RGS17: variants seen among roughly 807,000 people sequenced by gnomAD.
The protein encoded by RGS17 is regulator of G protein signaling 17.
A neutral mutation model predicts 25.5 loss-of-function variants in RGS17; 12 were observed. That is an observed-to-expected ratio of 0.47 (90% CI 0.30 to 0.76). The LOEUF (loss-of-function observed/expected upper bound fraction) is 0.76, where lower values mean the gene tolerates loss of function less well. Among genes scored for constraint, RGS17 ranks in the 30% least tolerant of loss-of-function variants. The probability of loss-of-function intolerance (pLI) is 0.07; values close to 1 mark genes in which losing one functional copy is unlikely to be tolerated. For synonymous variants in RGS17, 71 were observed against 76.9 expected (o/e 0.92, Z 0.40); for missense variants, 196 against 242.2 (o/e 0.81, Z 1.27).
intron 1 of RGS17, among the ~76,000 whole-genome samples, chr6:153,112,875 G>GAAA (rs1282597600): frequency 5.3e-5 from 8 of 152,160 alleles, no homozygotes; most frequent in African/African-American, 1.7e-4. Flanking sequence ...CAAATGCTGA[G>GAAA]AGATTTTGTC....
chr6:153,069,738 TC>T (rs1041676004), intron 1 of RGS17, among the ~76,000 whole-genome samples: 1 of 64,444 alleles, frequency 1.6e-5, no homozygotes, highest in African/African-American at 5.3e-5. Flanking sequence ...TATATACACC[TC>T]GTGTGTGTGT....
chr6:153,024,541 C>T lies in RGS17; in HGVS notation c.210-45G>A, dbSNP rs376297852. On this transcript the variant is annotated intron_variant, in intron 3 of 4. Transcript: ENST00000206262. ...CCGTGATCAAAGGGAACTTTGTGAC[C>T]AGTGAATGCTAGACCAGGTAAGGAG... 7.3e-6 allele frequency: 10 copies of T among 1,376,498 alleles called. No homozygotes were observed. The African/African-American group carries it at 1.4e-4, about 20-fold the overall frequency. The allele number at this position is 1,376,498 out of a possible 1,614,324, so 85.3% of individuals were successfully genotyped here.
At position 153,009,548 on chromosome 6, in the gene RGS17, A is replaced by G. The variant is rs891670417; in HGVS notation, c.*2026T>C. ...TTCATAGCTATCTTTTTTTCAACAT[A>G]TTACTGAAAACTTATTCAAATAGTA... On this transcript the variant is annotated 3_prime_UTR_variant, in exon 5 of 5. Transcript: ENST00000206262. 1.3e-5 allele frequency: 2 copies of G among 151,972 alleles called. No homozygotes were observed. Among genetic ancestry groups the G allele is most frequent in the Admixed American group, 6.6e-5 (1 of 15,260 alleles). 9.4% of individuals were successfully genotyped at this position (151,972 alleles called of 1,614,324 possible).
rs1171679855 is a variant in RGS17 at position 153,007,103 on chromosome 6, T to A, written c.*4471A>T. The A allele has an allele frequency of 6.6e-6, 1 of 152,190 alleles. No individual in the cohort carries two copies. Among genetic ancestry groups the A allele is most frequent in the Non-Finnish European group, 1.5e-5 (1 of 68,046 alleles). 9.4% of individuals were successfully genotyped at this position (152,190 alleles called of 1,614,324 possible). A position where few individuals can be genotyped will look rare whatever the true frequency, so the allele number is the denominator to read the frequency against. On this transcript the variant is annotated 3_prime_UTR_variant, in exon 5 of 5. Coordinates refer to ENST00000206262, the MANE Select transcript of RGS17 (RefSeq NM_012419.5). ...TGAATTCATCTGAAAAGATGTTACT[T>A]GGGGCTGGAGAGGACTACACCTGTA...
rs1385920359 is a variant in RGS17, at chr6:153,011,120, A to T, written c.*454T>A. ...AAAAATTGCTTTTTTTCTGTCTTAGATTATGTTAAAAAATGCAAACCATGG... is the reference window on the plus strand; with the variant it reads ...AAAAATTGCTTTTTTTCTGTCTTAGTTTATGTTAAAAAATGCAAACCATGG... On this transcript the variant is annotated 3_prime_UTR_variant, in exon 5 of 5. Coordinates refer to ENST00000206262, the MANE Select transcript of RGS17 (RefSeq NM_012419.5). 3 of 156,672 alleles carry T rather than the reference A, an allele frequency of 1.9e-5. No individual in the cohort carries two copies. The highest frequency in any genetic ancestry group is 6.5e-5 in the Admixed American group (1 of 15,422). The allele number at this position is 156,672 out of a possible 1,614,324, so 9.7% of individuals were successfully genotyped here.
At chr6:153,058,917 C>T (rs1224788850) in intron 1 of RGS17, among the ~76,000 whole-genome samples, 2 of 150,098 alleles carry the variant, frequency 1.3e-5, no homozygotes, top group Non-Finnish European at 3.0e-5. Flanking sequence ...TTTTCAAAAT[C>T]GCCATTTTTA....
At chr6:153,042,048 G>A (rs1164374609) in intron 2 of RGS17, among the ~76,000 whole-genome samples, 1 of 152,152 alleles carries the variant, frequency 6.6e-6, no homozygotes, top group Non-Finnish European at 1.5e-5. Flanking sequence ...AGATGGGTGA[G>A]GATAAGATTT....
intron 1 of RGS17, among the ~76,000 whole-genome samples, chr6:153,077,704 T>C (rs990867616): frequency 5.3e-5 from 8 of 152,116 alleles, no homozygotes; most frequent in East Asian, 3.8e-4. Flanking sequence ...AGGAAGAAAA[T>C]TATCATTGAC....
intron 1 of RGS17, among the ~76,000 whole-genome samples, chr6:153,091,462 C>T (rs1266960037): frequency 6.6e-6 from 1 of 151,972 alleles, no homozygotes; most frequent in East Asian, 1.9e-4. Flanking sequence ...CACTTAACAT[C>T]CATACTTTAC....
chr6:153,069,155 C>T (rs185344970), intron 1 of RGS17, among the ~76,000 whole-genome samples: 21 of 152,246 alleles, frequency 1.4e-4, no homozygotes, highest in South Asian at 1.2e-3. Context: ...TCTGCACTCC[C>T]GTGTTTGTTG....
At position 153,008,329 on chromosome 6, in the gene RGS17, CA is replaced by C. The variant is rs34186615; in HGVS notation, c.*3244del. The C allele has an allele frequency of 0.69, 102,607 of 148,282 alleles. 35,201 individuals carry two copies. The highest frequency in any genetic ancestry group is 0.73 in the Admixed American group (10,931 of 14,918). The allele number at this position is 148,282 out of a possible 1,614,324, so 9.2% of individuals were successfully genotyped here. A position where few individuals can be genotyped will look rare whatever the true frequency, so the allele number is the denominator to read the frequency against. On this transcript the variant is annotated 3_prime_UTR_variant, in exon 5 of 5. Transcript: ENST00000206262. ...ATTCTATGTACATATTTTAAGATTTCAAAAAAAAAAAACATCACATTATGGT... is the reference window on the plus strand; with the variant it reads ...ATTCTATGTACATATTTTAAGATTTCAAAAAAAAAAACATCACATTATGGT...
chr6:153,021,474 C>G (rs1478269252), intron 4 of RGS17, among the ~76,000 whole-genome samples: 1 of 152,130 alleles, frequency 6.6e-6, no homozygotes, highest in Admixed American at 6.5e-5. Flanking sequence ...ATCAATGAGT[C>G]GAGTCAATGA....
At chr6:153,100,807 G>A (rs937699939) in intron 1 of RGS17, among the ~76,000 whole-genome samples, 3 of 152,124 alleles carry the variant, frequency 2.0e-5, no homozygotes, top group Non-Finnish European at 4.4e-5. Context: ...TAAACAGACC[G>A]TAACCTACTC....
At chr6:153,105,291 A>G (rs1206613810) in intron 1 of RGS17, among the ~76,000 whole-genome samples, 1 of 152,132 alleles carries the variant, frequency 6.6e-6, no homozygotes, top group East Asian at 1.9e-4. Context: ...TTGCTGTGCT[A>G]TAAACTGTGG....
intron 2 of RGS17, among the ~76,000 whole-genome samples, chr6:153,027,458 C>T (rs1169429761): frequency 6.6e-6 from 1 of 151,990 alleles, no homozygotes. Context: ...CCCAAATTAG[C>T]CAACTGATCC....
chr6:153,065,127 A>G (rs538878062), intron 1 of RGS17, among the ~76,000 whole-genome samples: 1 of 152,296 alleles, frequency 6.6e-6, no homozygotes, highest in Non-Finnish European at 1.5e-5. Flanking sequence ...TGCCAACAGA[A>G]ATCAAAAAAG....
intron 1 of RGS17, among the ~76,000 whole-genome samples, chr6:153,064,801 G>T (rs180998667): frequency 2.4e-3 from 358 of 152,044 alleles, no homozygotes; most frequent in African/African-American, 7.5e-3. Flanking sequence ...TACATACAAT[G>T]AATGCACAAA....
At chr6:153,085,607 T>C (rs1777041096) in intron 1 of RGS17, among the ~76,000 whole-genome samples, 1 of 152,200 alleles carries the variant, frequency 6.6e-6, no homozygotes, top group Admixed American at 6.5e-5. Context: ...AAGCTATCAG[T>C]CACATACCAG....
intron 1 of RGS17, among the ~76,000 whole-genome samples, chr6:153,050,388 T>A (rs1478999453): frequency 6.6e-6 from 1 of 152,152 alleles, no homozygotes; most frequent in African/African-American, 2.4e-5. Context: ...AGTAACACAT[T>A]GCAATTTAAC....
Sources: gnomAD v4.1 joint callset for allele counts (sites outside exome capture counted in the v4.1 genomes callset) on GRCh38, gnomAD v4.1.1 for gene constraint, MANE v1.5 for transcripts, NCBI Gene and HGNC (gene_info 2026-07-23, HGNC 2026-07-21) for gene names.